The following UCHL3 variants were observed in gnomAD, a reference collection of about 807,000 sequenced individuals.
UCHL3 encodes ubiquitin C-terminal hydrolase L3.
In UCHL3, 22 loss-of-function variants were observed where a neutral mutation model predicts 35.8. The observed-to-expected ratio is 0.61, with a 90% CI of 0.44 to 0.88. UCHL3 has a LOEUF of 0.88. UCHL3 is among the 40% of genes least tolerant of loss of function. The probability of loss-of-function intolerance (pLI) is 0.00; values close to 1 mark genes in which losing one functional copy is unlikely to be tolerated. For missense variants in UCHL3, 229 were observed against 276.9 expected (o/e 0.83, Z 1.23); for synonymous variants, 90 against 92.8 (o/e 0.97, Z 0.17).
intron 6 of UCHL3, among the ~76,000 whole-genome samples, chr13:75,570,626 G>T (rs1045392544): frequency 2.0e-5 from 3 of 152,162 alleles, no homozygotes; most frequent in Non-Finnish European, 4.4e-5. Flanking sequence ...ATTGATTTTG[G>T]CTGAGCATGC....
intron 3 of UCHL3, among the ~76,000 whole-genome samples, chr13:75,561,541 A>AATATAT (rs8192743): frequency 1.4e-4 from 21 of 150,420 alleles, no homozygotes; most frequent in African/African-American, 5.1e-4. Flanking sequence ...CAGTTTTTTC[A>AATATAT]ATATATATAT....
In UCHL3 at chr13:75,591,989, T is replaced by C. The variant is rs114265517; in HGVS notation, c.475-2926T>C. ...CAAAAAGTTTGAGGTTTTGGAGCAT[T>C]TGAGATTTCAGATTTTTGGATTTGG... On this transcript the variant is annotated intron_variant, in intron 6 of 8. Transcript: ENST00000377595. 7.0e-3 allele frequency among the ~76,000 whole-genome samples: 1,067 copies of C among 152,140 alleles called. 10 individuals carry two copies. Among genetic ancestry groups the C allele is most frequent in the African/African-American group, 0.023 (967 of 41,540 alleles).
intron 2 of UCHL3, among the ~76,000 whole-genome samples, chr13:75,558,108 A>G (rs2138461321): frequency 6.6e-6 from 1 of 152,304 alleles, no homozygotes; most frequent in Non-Finnish European, 1.5e-5. Context: ...ATCTGGAGTC[A>G]GGATCTAACA....
At position 75,604,923 on chromosome 13, in the gene UCHL3, A is replaced by G. The variant is rs930899829; in HGVS notation, c.609+96A>G. On this transcript the variant is annotated intron_variant, in intron 8 of 8. Transcript: ENST00000377595. ...TGCATAACATTTTCTTTGTATTTGG[A>G]TACTTCTTTATCCTTGTTCTCTCTA... The G allele has an allele frequency of 2.0e-5, 21 of 1,028,784 alleles. No individual in the cohort carries two copies. The African/African-American group carries it at 2.6e-4, about 13-fold the overall frequency. The allele number at this position is 1,028,784 out of a possible 1,614,324, so 63.7% of individuals were successfully genotyped here. A position where few individuals can be genotyped will look rare whatever the true frequency, so the allele number is the denominator to read the frequency against.
At chr13:75,581,243 AAAATGCTTTG>A (rs1398503362) in intron 6 of UCHL3, among the ~76,000 whole-genome samples, 1 of 147,354 alleles carries the variant, frequency 6.8e-6, no homozygotes, top group African/African-American at 2.5e-5. Flanking sequence ...TTTAAATGAG[AAAATGCTTTG>A]GCTGTAAACC....
intron 6 of UCHL3, among the ~76,000 whole-genome samples, chr13:75,593,008 GTACTACTTT>G (rs2032554022): frequency 6.6e-6 from 1 of 152,064 alleles, no homozygotes; most frequent in Non-Finnish European, 1.5e-5. Flanking sequence ...GACTCCAGTT[GTACTACTTT>G]TACCTCTAGC....
intron 6 of UCHL3, chr13:75,590,066 A>C: frequency 1.5e-6 from 2 of 1,304,252 alleles, no homozygotes; most frequent in South Asian, 2.5e-5. Flanking sequence ...CTACCAGTCC[A>C]TCTCTCCGTC....
rs532076425 is a variant in UCHL3, at chr13:75,605,873, C to G, written c.*61C>G. 1.6e-4 allele frequency: 237 copies of G among 1,506,300 alleles called. 1 individual carries two copies. In the Admixed American group the frequency reaches 4.3e-3, roughly 27 times the overall value. 93.3% of individuals were successfully genotyped at this position (1,506,300 alleles called of 1,614,324 possible). A position where few individuals can be genotyped will look rare whatever the true frequency, so the allele number is the denominator to read the frequency against. ...TTGCAACTAAATTTTCTCTGCCATA[C>G]ACTAACTCAAAAATTTTGATATTTT... On this transcript the variant is annotated 3_prime_UTR_variant, in exon 9 of 9. Coordinates refer to ENST00000377595, the MANE Select transcript of UCHL3 (RefSeq NM_006002.5).
chr13:75,554,165 C>T (rs923451235), intron 2 of UCHL3, among the ~76,000 whole-genome samples: 1 of 152,076 alleles, frequency 6.6e-6, no homozygotes, highest in African/African-American at 2.4e-5. Flanking sequence ...TGGGCTCAAG[C>T]ACTCCTCACA....
intron 6 of UCHL3, among the ~76,000 whole-genome samples, chr13:75,592,262 AATGGTACT>A (rs1417126340): frequency 1.3e-5 from 2 of 150,588 alleles, no homozygotes; most frequent in Non-Finnish European, 3.0e-5. Context: ...ATTGGAAGTC[AATGGTACT>A]ATTTATACTA....
chr13:75,604,072 A>C (rs2032859439), intron 7 of UCHL3, among the ~76,000 whole-genome samples: 1 of 152,134 alleles, frequency 6.6e-6, no homozygotes, highest in Non-Finnish European at 1.5e-5. Flanking sequence ...AAACCATGGA[A>C]TCGTAGAAGG....
intron 6 of UCHL3, among the ~76,000 whole-genome samples, chr13:75,573,320 G>T (rs528781387): frequency 1.4e-4 from 21 of 151,894 alleles, no homozygotes; most frequent in African/African-American, 5.1e-4. Flanking sequence ...AGAGTGTTCG[G>T]TGTATTATTA....
intron 6 of UCHL3, among the ~76,000 whole-genome samples, chr13:75,572,629 A>G (rs920389389): frequency 6.6e-5 from 10 of 152,216 alleles, no homozygotes; most frequent in African/African-American, 1.9e-4. Flanking sequence ...ATTAACCAGA[A>G]TTAGCTCAGA....
At chr13:75,590,177 C>CTTT (rs35178906) in intron 6 of UCHL3, 332 of 1,131,388 alleles carry the variant, frequency 2.9e-4, no homozygotes, top group South Asian at 7.5e-4. Context: ...CAAGGGCTGT[C>CTTT]TTTTTTTTTT....
intron 2 of UCHL3, among the ~76,000 whole-genome samples, chr13:75,554,280 G>A (rs1027041544): frequency 2.0e-5 from 3 of 152,084 alleles, no homozygotes; most frequent in African/African-American, 4.8e-5. Flanking sequence ...TCCCAGGCTG[G>A]TCTCAAATGC....
chr13:75,592,960 C>A (rs2032552493), intron 6 of UCHL3, among the ~76,000 whole-genome samples: 1 of 151,982 alleles, frequency 6.6e-6, no homozygotes, highest in African/African-American at 2.4e-5. Flanking sequence ...GATAAGAAAC[C>A]CAAGGCTTAC....
At chr13:75,559,271 A>G (rs1444910798) in intron 2 of UCHL3, among the ~76,000 whole-genome samples, 1 of 151,248 alleles carries the variant, frequency 6.6e-6, no homozygotes, top group East Asian at 1.9e-4. Flanking sequence ...CGATCTCCTG[A>G]CCTCGTGATC....
rs1030241195 is a variant in UCHL3 at position 75,602,024 on chromosome 13, G to C, written c.551-2745G>C. Among the ~76,000 whole-genome samples the C allele has an allele frequency of 1.1e-3, 162 of 152,072 alleles. 1 individual carries two copies. The highest frequency in any genetic ancestry group is 1.3e-4 in the Non-Finnish European group (9 of 68,026). On this transcript the variant is annotated intron_variant, in intron 7 of 8. Transcript: ENST00000377595. ...CTCGGGAGGCTGAGGCAGGAGAATG[G>C]CGTGAACCCGGGAGGCAGAGCTTGC...
At chr13:75,561,826 CGTACGTATATACGT>C (rs1360276699) in intron 3 of UCHL3, among the ~76,000 whole-genome samples, 4 of 32,530 alleles carry the variant, frequency 1.2e-4, no homozygotes, top group Non-Finnish European at 5.1e-4. Flanking sequence ...TACGTATATA[CGTACGTATATACGT>C]ATACGTATAC....
Sources: gnomAD v4.1 joint callset for allele counts (sites outside exome capture counted in the v4.1 genomes callset) on GRCh38, gnomAD v4.1.1 for gene constraint, MANE v1.5 for transcripts, NCBI Gene and HGNC (gene_info 2026-07-23, HGNC 2026-07-21) for gene names.